The following DPP10 variants were observed in gnomAD, a reference collection of about 807,000 sequenced individuals.
DPP10 encodes dipeptidyl peptidase like 10.
Under a neutral mutation model 120.9 loss-of-function variants are expected in DPP10, and 33 were observed. The ratio of observed to expected loss-of-function variants is 0.27; its 90% CI spans 0.21 to 0.37. The LOEUF is 0.37. Ranked by LOEUF, DPP10 falls within the 10% of genes least tolerant of loss-of-function variation. The pLI, the probability that DPP10 is intolerant of heterozygous loss-of-function variation, is 1.00. For missense variants in DPP10, 816 were observed against 942.8 expected (o/e 0.87, Z 1.76); for synonymous variants, 337 against 326.1 (o/e 1.03, Z -0.36).
intron 1 of DPP10, among the ~76,000 whole-genome samples, chr2:114,543,679 C>T (rs1455110426): frequency 6.6e-6 from 1 of 152,158 alleles, no homozygotes; most frequent in Non-Finnish European, 1.5e-5. Flanking sequence ...AGCAAGCAAA[C>T]TCCTCTCCCA....
intron 1 of DPP10, among the ~76,000 whole-genome samples, chr2:115,205,694 G>A (rs1380015344): frequency 5.9e-5 from 9 of 152,140 alleles, no homozygotes; most frequent in Non-Finnish European, 1.3e-4. Flanking sequence ...ATATTATGCG[G>A]CCGTAAAAAA....
At chr2:114,561,758 G>A (rs184786115) in intron 1 of DPP10, among the ~76,000 whole-genome samples, 43 of 152,178 alleles carry the variant, frequency 2.8e-4, no homozygotes, top group African/African-American at 9.9e-4. Flanking sequence ...TGCCATCTGG[G>A]GGATGTTAGA....
At chr2:114,454,773 T>A (rs1678472794) in intron 1 of DPP10, among the ~76,000 whole-genome samples, 1 of 152,088 alleles carries the variant, frequency 6.6e-6, no homozygotes, top group Non-Finnish European at 1.5e-5. Context: ...GCAAACAACA[T>A]CACATTTATG....
intron 1 of DPP10, among the ~76,000 whole-genome samples, chr2:114,445,534 CTGTGTGTGTG>C (rs145248880): frequency 0.033 from 4,754 of 143,522 alleles, 98 homozygotes; most frequent in Middle Eastern, 0.053. Flanking sequence ...AAAAACAGCT[CTGTGTGTGTG>C]TGTGTGTGTG....
chr2:115,760,019 A>G lies in DPP10; in HGVS notation c.1075-2553A>G, dbSNP rs1013500400. Among the ~76,000 whole-genome samples the G allele has an allele frequency of 5.3e-5, 8 of 152,196 alleles. No individual in the cohort carries two copies. In the East Asian group the frequency reaches 1.5e-3, roughly 29 times the overall value. ...AGTGAAACTCCGTCACAAAAAAAAA[A>G]TACAAAAAACAAACAAAAAAAAACC... is the stretch of plus-strand genomic sequence containing the variant. On this transcript the variant is annotated intron_variant, in intron 11 of 25. Coordinates refer to ENST00000410059, the MANE Select transcript of DPP10 (RefSeq NM_020868.6).
chr2:115,090,269 A>G (rs1709133696), intron 1 of DPP10, among the ~76,000 whole-genome samples: 1 of 152,218 alleles, frequency 6.6e-6, no homozygotes, highest in East Asian at 1.9e-4. Context: ...TTATCATACG[A>G]CATTCTGGAC....
At chr2:115,002,802 G>A (rs6542235) in intron 1 of DPP10, among the ~76,000 whole-genome samples, 2,377 of 151,860 alleles carry the variant, frequency 0.016, 46 homozygotes, top group African/African-American at 0.045. Context: ...AAATCAATAC[G>A]ACAATGAGAT....
chr2:115,568,146 C>G (rs2081116396), intron 5 of DPP10, among the ~76,000 whole-genome samples: 1 of 149,880 alleles, frequency 6.7e-6, no homozygotes, highest in African/African-American at 2.5e-5. Flanking sequence ...CCACTGCACT[C>G]CAGCCTGGGT....
chr2:115,789,844 G>T (rs1307269261), intron 17 of DPP10, among the ~76,000 whole-genome samples: 1 of 152,066 alleles, frequency 6.6e-6, no homozygotes, highest in African/African-American at 2.4e-5. Flanking sequence ...TTAAAATGCT[G>T]TTTAAAGTAA....
chr2:114,454,834 A>G (rs950875482), intron 1 of DPP10, among the ~76,000 whole-genome samples: 5 of 151,932 alleles, frequency 3.3e-5, no homozygotes, highest in African/African-American at 1.2e-4. Flanking sequence ...TACCCTGTCT[A>G]CCTTCCACTA....
chr2:114,634,805 A>G (rs915705183), intron 1 of DPP10, among the ~76,000 whole-genome samples: 2 of 151,958 alleles, frequency 1.3e-5, no homozygotes, highest in Non-Finnish European at 2.9e-5. Flanking sequence ...TACGACTCAT[A>G]CAGAAGAACA....
At chr2:114,657,136 T>G (rs1697022914) in intron 1 of DPP10, among the ~76,000 whole-genome samples, 1 of 152,150 alleles carries the variant, frequency 6.6e-6, no homozygotes, top group Non-Finnish European at 1.5e-5. Context: ...CTGCTAATTC[T>G]TTATACAACC....
intron 1 of DPP10, among the ~76,000 whole-genome samples, chr2:114,569,099 T>C (rs1485158819): frequency 6.6e-6 from 1 of 152,206 alleles, no homozygotes; most frequent in East Asian, 1.9e-4. Context: ...GAAAAGTACT[T>C]AAATTTAGAG....
At chr2:114,600,370 T>C (rs1275488626) in intron 1 of DPP10, among the ~76,000 whole-genome samples, 2 of 151,844 alleles carry the variant, frequency 1.3e-5, no homozygotes, top group Admixed American at 1.3e-4. Flanking sequence ...AGATTTTCCA[T>C]TTGGTTCATT....
At chr2:115,589,593 A>G (rs2082501767) in intron 5 of DPP10, among the ~76,000 whole-genome samples, 2 of 152,216 alleles carry the variant, frequency 1.3e-5, no homozygotes, top group South Asian at 2.1e-4. Flanking sequence ...TCTAGAATCA[A>G]TGCTCAGAAT....
chr2:115,441,817 C>CTTTTTTT (rs561102084), intron 3 of DPP10, among the ~76,000 whole-genome samples: 8 of 124,478 alleles, frequency 6.4e-5, no homozygotes, highest in African/African-American at 1.3e-4. Flanking sequence ...TTCTTTCTTT[C>CTTTTTTT]TTTTTTTTTT....
chr2:115,447,279 T>C (rs2072692546), intron 3 of DPP10, among the ~76,000 whole-genome samples: 1 of 152,206 alleles, frequency 6.6e-6, no homozygotes. Context: ...GTACCCCCAT[T>C]GTATCTTGGA....
intron 21 of DPP10, among the ~76,000 whole-genome samples, chr2:115,816,188 A>G (rs1369792084): frequency 1.3e-5 from 2 of 152,188 alleles, no homozygotes; most frequent in African/African-American, 2.4e-5. Flanking sequence ...GGAAACAGTA[A>G]AGAGGTAAAT....
chr2:115,131,316 AC>A (rs1323314215), intron 1 of DPP10, among the ~76,000 whole-genome samples: 25 of 152,318 alleles, frequency 1.6e-4, no homozygotes, highest in Middle Eastern at 3.4e-3. Flanking sequence ...GGAGTTCAAG[AC>A]AAGCCTGGGC....
Sources: gnomAD v4.1 joint callset for allele counts (sites outside exome capture counted in the v4.1 genomes callset) on GRCh38, gnomAD v4.1.1 for gene constraint, MANE v1.5 for transcripts, NCBI Gene and HGNC (gene_info 2026-07-23, HGNC 2026-07-21) for gene names.